The following RUNX2 variants were observed in gnomAD, a reference collection of about 807,000 sequenced individuals.
RUNX2 encodes the protein RUNX family transcription factor 2.
RUNX2 carries 10 observed loss-of-function variants against 51.7 expected under a neutral mutation model. That is an observed-to-expected ratio of 0.19 (90% CI 0.12 to 0.33). The LOEUF is 0.33. Ranked by LOEUF, RUNX2 falls within the 10% of genes least tolerant of loss-of-function variation. RUNX2 has a pLI of 1.00. For missense variants in RUNX2, 562 were observed against 691.3 expected, an observed-to-expected ratio of 0.81 and a Z score of 2.10; for synonymous variants, 276 against 273.6, an observed-to-expected ratio of 1.01 and a Z score of -0.09.
chr6:45,518,098 G>C (rs1801388592), intron 7 of RUNX2, among the ~76,000 whole-genome samples: 1 of 152,152 alleles, frequency 6.6e-6, no homozygotes, highest in African/African-American at 2.4e-5. Context: ...TAAAACACTA[G>C]AGCATCTACT....
At position 45,549,149 on chromosome 6, in the gene RUNX2, A is replaced by G; in HGVS notation, c.*1844A>G. On this transcript the variant is annotated 3_prime_UTR_variant, in exon 9 of 9. Coordinates refer to ENST00000647337, the MANE Select transcript of RUNX2 (RefSeq NM_001024630.4). ...TCACATGGCAGATTTCCAAGTGCAA[A>G]TCCTTAATCCAAACAAGGATCATCT... 1 of 398,516 alleles carries G rather than the reference A, an allele frequency of 2.5e-6. No homozygotes were observed. The highest frequency in any genetic ancestry group is 4.4e-6 in the Non-Finnish European group (1 of 226,066). The allele number at this position is 398,516 out of a possible 1,614,324, so 24.7% of individuals were successfully genotyped here.
chr6:45,546,077 C>T (rs1358651298), intron 8 of RUNX2, among the ~76,000 whole-genome samples: 1 of 152,114 alleles, frequency 6.6e-6, no homozygotes, highest in Non-Finnish European at 1.5e-5. Flanking sequence ...CTACTGTTAG[C>T]ACCTGGTCTA....
At chr6:45,416,173 G>A (rs901659609) in intron 2 of RUNX2, among the ~76,000 whole-genome samples, 3 of 152,174 alleles carry the variant, frequency 2.0e-5, no homozygotes, top group Non-Finnish European at 4.4e-5. Context: ...CCCTAGGATT[G>A]CAGCTAATAG....
chr6:45,438,273 G>A (rs1017519546), intron 5 of RUNX2, among the ~76,000 whole-genome samples: 13 of 152,100 alleles, frequency 8.5e-5, no homozygotes, highest in African/African-American at 2.7e-4. Context: ...TAAGGCCTCC[G>A]TAGCTTTGGG....
intron 5 of RUNX2, among the ~76,000 whole-genome samples, chr6:45,456,669 T>C (rs1010673060): frequency 6.6e-6 from 1 of 152,202 alleles, no homozygotes; most frequent in Admixed American, 6.5e-5. Flanking sequence ...CTCCATCTCT[T>C]TATGTCATCT....
chr6:45,547,575 G>A lies in RUNX2; in HGVS notation c.*270G>A. The A allele has an allele frequency of 2.0e-6, 1 of 502,016 alleles. No individual in the cohort carries two copies. The highest frequency in any genetic ancestry group is 3.6e-6 in the Non-Finnish European group (1 of 277,496). The allele number at this position is 502,016 out of a possible 1,614,324, so 31.1% of individuals were successfully genotyped here. On this transcript the variant is annotated 3_prime_UTR_variant, in exon 9 of 9. Transcript: ENST00000647337. ...TGTACTTTTACAAAGGAACAAAGAAGGGAAAAGGTATTTTTGTTTTTGTTG... is the reference window on the plus strand; with the variant it reads ...TGTACTTTTACAAAGGAACAAAGAAAGGAAAAGGTATTTTTGTTTTTGTTG...
chr6:45,483,695 G>C (rs1027402301), intron 5 of RUNX2, among the ~76,000 whole-genome samples: 1 of 152,182 alleles, frequency 6.6e-6, no homozygotes, highest in Non-Finnish European at 1.5e-5. Context: ...ATAAATCAGA[G>C]GGATCATCAA....
At chr6:45,398,317 GCATGAGCTATTATCATTGA>G (rs1407302772) in intron 2 of RUNX2, among the ~76,000 whole-genome samples, 1 of 152,178 alleles carries the variant, frequency 6.6e-6, no homozygotes, top group Non-Finnish European at 1.5e-5. Flanking sequence ...TGCTCAGTAA[GCATGAGCTATTATCATTGA>G]AGTTGTTAAG....
chr6:45,479,479 A>C (rs528028069), intron 5 of RUNX2, among the ~76,000 whole-genome samples: 1 of 152,338 alleles, frequency 6.6e-6, no homozygotes, highest in Non-Finnish European at 1.5e-5. Context: ...AATTACCTGG[A>C]TAGAGACATG....
intron 2 of RUNX2, among the ~76,000 whole-genome samples, chr6:45,331,369 T>TC (rs1787473647): frequency 1.3e-5 from 2 of 152,014 alleles, no homozygotes; most frequent in African/African-American, 2.4e-5. Flanking sequence ...TGCTTGAACA[T>TC]GATGTGTGAA....
At chr6:45,329,770 T>A (rs929009783) in intron 2 of RUNX2, among the ~76,000 whole-genome samples, 1 of 151,972 alleles carries the variant, frequency 6.6e-6, no homozygotes, top group African/African-American at 2.4e-5. Flanking sequence ...GATACAGATA[T>A]GTAAATGACT....
chr6:45,351,785 T>A (rs955606212), intron 2 of RUNX2, among the ~76,000 whole-genome samples: 26 of 152,176 alleles, frequency 1.7e-4, no homozygotes, highest in African/African-American at 6.0e-4. Context: ...CTGCCACATC[T>A]GCCCTTCAAA....
At chr6:45,449,992 T>A (rs533033889) in intron 5 of RUNX2, among the ~76,000 whole-genome samples, 14 of 152,314 alleles carry the variant, frequency 9.2e-5, no homozygotes, top group African/African-American at 3.4e-4. Context: ...CATCGTGATG[T>A]GTATCTCCCA....
intron 2 of RUNX2, among the ~76,000 whole-genome samples, chr6:45,338,582 C>G (rs1339804466): frequency 6.6e-6 from 1 of 152,042 alleles, no homozygotes; most frequent in Non-Finnish European, 1.5e-5. Flanking sequence ...TTCTGCTGAA[C>G]TGGAATTTAG....
intron 3 of RUNX2, among the ~76,000 whole-genome samples, chr6:45,428,430 G>A (rs888692326): frequency 6.6e-6 from 1 of 151,830 alleles, no homozygotes; most frequent in African/African-American, 2.4e-5. Flanking sequence ...GAAAAACATC[G>A]GGCAATCTGA....
chr6:45,342,424 G>C (rs1789985601), intron 2 of RUNX2, among the ~76,000 whole-genome samples: 2 of 152,072 alleles, frequency 1.3e-5, no homozygotes, highest in Non-Finnish European at 2.9e-5. Flanking sequence ...ACCACGCCCA[G>C]ATAATTTTGT....
chr6:45,340,840 A>G (rs1789633964), intron 2 of RUNX2, among the ~76,000 whole-genome samples: 1 of 152,164 alleles, frequency 6.6e-6, no homozygotes, highest in Non-Finnish European at 1.5e-5. Context: ...GATTATAATC[A>G]TAGGCTTTGG....
intron 2 of RUNX2, among the ~76,000 whole-genome samples, chr6:45,389,270 G>A (rs1354669384): frequency 2.0e-5 from 3 of 151,998 alleles, no homozygotes. Flanking sequence ...TACTATTATT[G>A]TCCCAATAAT....
intron 2 of RUNX2, among the ~76,000 whole-genome samples, chr6:45,346,408 C>A (rs1790873328): frequency 6.6e-6 from 1 of 152,044 alleles, no homozygotes; most frequent in Admixed American, 6.6e-5. Context: ...AGCAGCCCCA[C>A]AGGCAACTTC....
Sources: gnomAD v4.1 joint callset for allele counts (sites outside exome capture counted in the v4.1 genomes callset) on GRCh38, gnomAD v4.1.1 for gene constraint, MANE v1.5 for transcripts, NCBI Gene and HGNC (gene_info 2026-07-23, HGNC 2026-07-21) for gene names.